The following MESD variants were observed in gnomAD, a reference collection of about 807,000 sequenced individuals.
MESD encodes LRP chaperone MESD.
MESD carries 7 observed loss-of-function variants against 12.9 expected under a neutral mutation model. The ratio of observed to expected loss-of-function variants is 0.54; its 90% CI spans 0.31 to 1.02. The LOEUF (loss-of-function observed/expected upper bound fraction) is 1.02, where lower values mean the gene tolerates loss of function less well. MESD is among the 50% of genes least tolerant of loss of function. The pLI is 0.05. For missense variants in MESD, 342 were observed against 296.7 expected (o/e 1.15, Z -1.12); for synonymous variants, 126 against 115.6 (o/e 1.09, Z -0.58).
intron 3 of MESD, among the ~76,000 whole-genome samples, chr15:80,968,713 T>C (rs867277558): frequency 2.0e-5 from 3 of 152,180 alleles, no homozygotes; most frequent in African/African-American, 7.2e-5. Context: ...TTAATCCTTA[T>C]AATACTTCTC....
chr15:80,956,495 G>A (rs1187056745), intron 3 of MESD, among the ~76,000 whole-genome samples: 1 of 152,216 alleles, frequency 6.6e-6, no homozygotes, highest in Non-Finnish European at 1.5e-5. Flanking sequence ...AGAAAGAGTA[G>A]CACGAGGGTG....
At chr15:80,985,347 G>T (rs1567127197) in intron 1 of MESD, among the ~76,000 whole-genome samples, 1 of 152,122 alleles carries the variant, frequency 6.6e-6, no homozygotes, top group African/African-American at 2.4e-5. Context: ...TTAAAGGCAA[G>T]CAGAACTCAG....
intron 4 of MESD, chr15:80,951,108 A>G (rs539808125): frequency 6.5e-6 from 1 of 152,750 alleles, no homozygotes; most frequent in Admixed American, 6.5e-5. Flanking sequence ...TGGAGAGGAG[A>G]GTTAAAATGA....
downstream of MESD, among the ~76,000 whole-genome samples, chr15:80,974,546 C>T (rs1395824130): frequency 1.3e-5 from 2 of 150,256 alleles, no homozygotes; most frequent in South Asian, 4.2e-4. Flanking sequence ...ATAAAAACAG[C>T]TCAAACATGA....
rs1183810436 is a variant in MESD, at chr15:80,948,630, G to C, written c.*895C>G. On this transcript the variant is annotated 3_prime_UTR_variant, in exon 5 of 5. Coordinates refer to the MESD transcript ENST00000561312. ...CCTGCCCCATACAAACACATGTCAG[G>C]CACCATCAGTAGCTGAGCACAGAGC... 4 of 889,082 alleles carry C rather than the reference G, an allele frequency of 4.5e-6. No homozygotes were observed. In the East Asian group the frequency reaches 7.4e-5, roughly 16 times the overall value. The allele number at this position is 889,082 out of a possible 1,614,324, so 55.1% of individuals were successfully genotyped here.
chr15:80,968,235 G>A (rs565894357), intron 3 of MESD, among the ~76,000 whole-genome samples: 2 of 152,344 alleles, frequency 1.3e-5, no homozygotes, highest in Admixed American at 1.3e-4. Flanking sequence ...TGCCTGGAAG[G>A]AAGCTGACCC....
chr15:80,965,911 C>T (rs547445660), intron 3 of MESD, among the ~76,000 whole-genome samples: 1 of 152,008 alleles, frequency 6.6e-6, no homozygotes, highest in Admixed American at 6.5e-5. Flanking sequence ...ATGTAACAAA[C>T]CTGCACGTTG....
intron 4 of MESD, chr15:80,949,140 G>A (rs1901704622): frequency 1.6e-6 from 1 of 625,076 alleles, no homozygotes; most frequent in South Asian, 1.8e-5. Flanking sequence ...GGCGGTGCTG[G>A]CCAATGCTGG....
intron 3 of MESD, among the ~76,000 whole-genome samples, chr15:80,967,999 C>A (rs1902207937): frequency 6.6e-6 from 1 of 152,212 alleles, no homozygotes; most frequent in African/African-American, 2.4e-5. Context: ...GGTCCAACAT[C>A]TCAAGTTTCT....
intron 3 of MESD, among the ~76,000 whole-genome samples, chr15:80,965,274 T>C (rs1167479775): frequency 6.6e-6 from 1 of 152,176 alleles, no homozygotes; most frequent in Non-Finnish European, 1.5e-5. Context: ...TCACACCAGT[T>C]AGAATGGCGA....
In MESD at chr15:80,976,790, C is replaced by T. The variant is rs1334620630; in HGVS notation, c.*2429G>A. The T allele has an allele frequency of 4.6e-5, 7 of 152,162 alleles. No homozygotes were observed. The highest frequency in any genetic ancestry group is 4.1e-4 in the South Asian group (2 of 4,826). 9.4% of individuals were successfully genotyped at this position (152,162 alleles called of 1,614,324 possible). ...AATGTCCACTGCAGCACTGAATATA[C>T]CAGCAAAAAATCTGAACACTCAAGT... On this transcript the variant is annotated 3_prime_UTR_variant, in exon 3 of 3. Coordinates refer to ENST00000261758, the MANE Select transcript of MESD (RefSeq NM_015154.3).
chr15:80,970,904 G>T (rs979658311), downstream of MESD, among the ~76,000 whole-genome samples: 16 of 152,344 alleles, frequency 1.1e-4, no homozygotes, highest in Non-Finnish European at 1.5e-4. Flanking sequence ...GGATTATGCT[G>T]AAGGTAGGCC....
chr15:80,982,461 C>G (rs1902607435), intron 1 of MESD, among the ~76,000 whole-genome samples: 1 of 152,136 alleles, frequency 6.6e-6, no homozygotes, highest in South Asian at 2.1e-4. Context: ...ACATGGTAGG[C>G]TGTAAAAATG....
At chr15:80,955,118 G>A (rs1468183715) in intron 3 of MESD, among the ~76,000 whole-genome samples, 8 of 150,656 alleles carry the variant, frequency 5.3e-5, no homozygotes, top group Admixed American at 1.3e-4. Flanking sequence ...GCAACACAGC[G>A]AGACCTTGTC....
At chr15:80,989,402 C>G (rs1045091959) in intron 1 of MESD, among the ~76,000 whole-genome samples, 177 bp downstream of exon 1, 1 of 152,008 alleles carries the variant, frequency 6.6e-6, no homozygotes, top group Non-Finnish European at 1.5e-5. Flanking sequence ...CAGCAGGGCG[C>G]GCGGGTCAGA....
chr15:80,949,049 C>T (rs1901697834), intron 4 of MESD: 1 of 1,279,126 alleles, frequency 7.8e-7, no homozygotes, highest in Non-Finnish European at 1.1e-6. Context: ...CGTGTTTCAG[C>T]CCTGATGGGC....
At position 80,989,783 on chromosome 15, in the gene MESD, AGCC is replaced by A; in HGVS notation, c.6_8del (p.Ala3del). 1 of 1,582,994 alleles carries A rather than the reference AGCC, an allele frequency of 6.3e-7. No individual in the cohort carries two copies. The highest frequency in any genetic ancestry group is 1.1e-5 in the South Asian group (1 of 89,854). ...CCACGGCCTTGCGCGCCCACCTGGA[AGCC>A]GCCATTTTCGCTGCGCCGCGCAGCG... is the stretch of plus-strand genomic sequence containing the variant. On this transcript the variant is annotated inframe_deletion, in exon 1 of 3. Coordinates refer to ENST00000261758, the MANE Select transcript of MESD (RefSeq NM_015154.3).
chr15:80,967,227 G>A (rs567234680), intron 3 of MESD, among the ~76,000 whole-genome samples: 18 of 151,692 alleles, frequency 1.2e-4, no homozygotes, highest in Admixed American at 2.0e-4. Flanking sequence ...GGGAGGTGGA[G>A]GTTGTGGTGA....
intron 3 of MESD, among the ~76,000 whole-genome samples, chr15:80,966,400 T>C (rs1251452119): frequency 6.6e-6 from 1 of 152,210 alleles, no homozygotes; most frequent in African/African-American, 2.4e-5. Context: ...ATCAAAATAA[T>C]ATTTACAAAG....
Sources: allele counts gnomAD v4.1 joint callset (sites outside exome capture counted in the v4.1 genomes callset), GRCh38; gene constraint gnomAD v4.1.1; transcripts MANE v1.5; gene names NCBI Gene and HGNC (gene_info 2026-07-23, HGNC 2026-07-21).